PHF7: variants seen among roughly 807,000 people sequenced by gnomAD.
PHF7 encodes the protein E3 ubiquitin-protein ligase PHF7.
Under a neutral mutation model 47.5 loss-of-function variants are expected in PHF7, and 24 were observed. That is an observed-to-expected ratio of 0.51 (90% CI 0.37 to 0.71). The LOEUF is 0.71. Among genes scored for constraint, PHF7 ranks in the 30% least tolerant of loss-of-function variants. PHF7 has a pLI of 0.00. For missense variants in PHF7, 361 were observed against 456.8 expected, an observed-to-expected ratio of 0.79 and a Z score of 1.91; for synonymous variants, 156 against 153.8, an observed-to-expected ratio of 1.01 and a Z score of -0.11.
At position 52,421,702 on chromosome 3, in the gene PHF7, C is replaced by A; in HGVS notation, c.628C>A (p.Arg210=). The A allele has an allele frequency of 1.9e-6, 3 of 1,609,692 alleles. No individual in the cohort carries two copies. Among genetic ancestry groups the A allele is most frequent in the Non-Finnish European group, 2.6e-6 (3 of 1,175,990 alleles). ...HFFKCPQCNN[R]KEFPQEMLRM... ...CTTCAAATGTCCACAGTGTAACAATCGAAAAGAGTTTCCTCAAGAAATGCT... is the reference window on the plus strand; with the variant it reads ...CTTCAAATGTCCACAGTGTAACAATAGAAAAGAGTTTCCTCAAGAAATGCT... The change falls in exon 8 of 11, where the codon CGA becomes AGA. Residue 210 remains arginine, a synonymous_variant. Transcript: ENST00000327906.
rs577809881 is a variant in PHF7, at chr3:52,420,136, A to G, written c.289-175A>G. The stretch of plus-strand genomic sequence containing the variant: ...GGGAGAAACATCTTGAGAAAATAGG[A>G]AAGAACTCAGTGCTGCTTGAAGCTC... On this transcript the variant is annotated intron_variant, in intron 5 of 10. Transcript: ENST00000327906. 2.0e-4 allele frequency: 167 copies of G among 823,548 alleles called. No homozygotes were observed. The South Asian group carries it at 2.2e-3, about 11-fold the overall frequency. The allele number at this position is 823,548 out of a possible 1,614,324, so 51.0% of individuals were successfully genotyped here. A position where few individuals can be genotyped will look rare whatever the true frequency, so the allele number is the denominator to read the frequency against.
chr3:52,419,597 A>AT (rs1475559378), intron 4 of PHF7, among the ~76,000 whole-genome samples: 1 of 151,718 alleles, frequency 6.6e-6, no homozygotes, highest in East Asian at 1.9e-4. Context: ...CACCCGGCTA[A>AT]TTTTTTTGTA....
intron 2 of PHF7, 75 bp downstream of exon 2, chr3:52,412,995 C>A: frequency 8.7e-7 from 1 of 1,149,988 alleles, no homozygotes; most frequent in East Asian, 2.4e-5. Flanking sequence ...TTTTTGCCCC[C>A]TTTGTCGTAG....
At chr3:52,414,868 G>T in intron 4 of PHF7, 1 of 160,366 alleles carries the variant, frequency 6.2e-6, no homozygotes, top group South Asian at 1.6e-4. Context: ...AAAAAGCTGG[G>T]TATAGTGACA....
rs894942865 is a variant in PHF7, at chr3:52,423,594, C to G, written c.*277C>G. On this transcript the variant is annotated 3_prime_UTR_variant, in exon 11 of 11. Transcript: ENST00000327906. ...TTAATCTTGTTTTCATATGCCTCTTCTTACTTCACCCATGTTTGTTGTTAT... is the reference window on the plus strand; with the variant it reads ...TTAATCTTGTTTTCATATGCCTCTTGTTACTTCACCCATGTTTGTTGTTAT... The G allele has an allele frequency of 1.8e-5, 6 of 334,678 alleles. No homozygotes were observed. The highest frequency in any genetic ancestry group is 9.1e-4 in the Middle Eastern group (1 of 1,102). 20.7% of individuals were successfully genotyped at this position (334,678 alleles called of 1,614,324 possible).
intron 4 of PHF7, among the ~76,000 whole-genome samples, chr3:52,416,188 G>GTTT (rs1010028983): frequency 7.3e-6 from 1 of 137,924 alleles, no homozygotes; most frequent in Non-Finnish European, 1.6e-5. Flanking sequence ...TGGTTTTTTG[G>GTTT]TTTTTTTTTT....
At chr3:52,421,848 A>G (rs1559602415) in intron 8 of PHF7, 94 bp downstream of exon 8, 3 of 722,044 alleles carry the variant, frequency 4.2e-6, no homozygotes, top group Non-Finnish European at 5.1e-6. Flanking sequence ...AGAGAATGAG[A>G]GCAGCAGAGG....
rs778794633 is a variant in PHF7, at chr3:52,410,951, C to T, written c.-366C>T. The T allele has an allele frequency of 5.9e-5, 9 of 152,248 alleles. No individual in the cohort carries two copies. The highest frequency in any genetic ancestry group is 9.6e-5 in the African/African-American group (4 of 41,460). The allele number at this position is 152,248 out of a possible 1,614,324, so 9.4% of individuals were successfully genotyped here. A position where few individuals can be genotyped will look rare whatever the true frequency, so the allele number is the denominator to read the frequency against. On this transcript the variant is annotated 5_prime_UTR_variant, in exon 1 of 11. Coordinates refer to ENST00000327906, the MANE Select transcript of PHF7 (RefSeq NM_016483.7). The stretch of plus-strand genomic sequence containing the variant: ...CTCCGGGGAACGGTTGTGACCACAC[C>T]GACACGTATTTTACAGATAAATCAT...
chr3:52,414,060 T>C lies in PHF7; in HGVS notation c.94+12T>C. ...GTCTTCAGGGCCTGGTAAGAAAGAC[T>C]GGAGCTTGTGTTCGCCCACTGCCTC... On this transcript the variant is annotated intron_variant, in intron 3 of 10. Transcript: ENST00000327906. 6.2e-7 allele frequency: 1 copy of C among 1,603,352 alleles called. No homozygotes were observed. The highest frequency in any genetic ancestry group is 8.5e-7 in the Non-Finnish European group (1 of 1,170,150).
chr3:52,421,866 A>G (rs1002311882), intron 8 of PHF7, 112 bp downstream of exon 8: 2 of 660,128 alleles, frequency 3.0e-6, no homozygotes, highest in African/African-American at 1.8e-5. Flanking sequence ...AGGCACTGAT[A>G]AGAAGGAAGG....
In PHF7 at chr3:52,423,308, A is replaced by C; in HGVS notation, c.1137A>C (p.Lys379Asn). Residue 379 changes from lysine to asparagine, a missense_variant, in exon 11 of 11, where the codon AAA becomes AAC. Coordinates refer to ENST00000327906, the MANE Select transcript of PHF7 (RefSeq NM_016483.7). ...KGVRITNSCK[K>N]SK ...TCAGAATCACTAACAGCTGCAAAAA[A>C]TCCAAGTAACACCTTCTGAGTAGCT... The C allele has an allele frequency of 6.2e-7, 1 of 1,608,844 alleles. No individual in the cohort carries two copies. The highest frequency in any genetic ancestry group is 8.5e-7 in the Non-Finnish European group (1 of 1,175,340).
At chr3:52,414,651 T>C (rs1705566382) in intron 4 of PHF7, 64 bp downstream of exon 4, 4 of 884,168 alleles carry the variant, frequency 4.5e-6, no homozygotes, top group African/African-American at 3.4e-5. Flanking sequence ...CTGTTCTCTG[T>C]TACATTCATC....
rs1365318514 is a variant in PHF7 at position 52,420,905 on chromosome 3, C to T, written c.416C>T (p.Ser139Leu). The T allele has an allele frequency of 6.2e-7, 1 of 1,607,242 alleles. No homozygotes were observed. The highest frequency in any genetic ancestry group is 1.1e-5 in the South Asian group (1 of 89,774). The change falls in exon 7 of 11, where the codon TCA (serine) becomes TTA (leucine). Residue 139 changes from serine (S) to leucine (L), a missense_variant and splice_region_variant. Ser to Leu is a moderately radical substitution (Grantham distance 145). Coordinates refer to ENST00000327906, the MANE Select transcript of PHF7 (RefSeq NM_016483.7). ...CLSQFFGEYK[S>L]FCDKHRPTQN... ...CCAAGTCTGTTTACCTGCCACAGAT[C>T]ATTTTGTGACAAACATCGCCCAACA...
Position 52,419,943 on chromosome 3 carries a change from C to T in PHF7, c.288+9C>T. 6.5e-7 allele frequency: 1 copy of T among 1,550,378 alleles called. No homozygotes were observed. Among genetic ancestry groups the T allele is most frequent in the Non-Finnish European group, 8.8e-7 (1 of 1,131,224 alleles). On this transcript the variant is annotated intron_variant, in intron 5 of 10. Coordinates refer to ENST00000327906, the MANE Select transcript of PHF7 (RefSeq NM_016483.7). Reference sequence around the variant, plus strand: ...CCCGGGCTTCTAGGAAGGTTAGAATCTCTTGAAATGAGGACCTTGGGGTAG... The same window carrying T: ...CCCGGGCTTCTAGGAAGGTTAGAATTTCTTGAAATGAGGACCTTGGGGTAG...
chr3:52,422,485 G>A (rs761564170), intron 9 of PHF7, 147 bp downstream of exon 9: 48 of 685,196 alleles, frequency 7.0e-5, no homozygotes, highest in Non-Finnish European at 1.0e-4. Context: ...TGACCAGCCC[G>A]ACTCACTTGT....
intron 7 of PHF7, 88 bp downstream of exon 7, chr3:52,421,150 C>T: frequency 1.6e-6 from 2 of 1,258,300 alleles, no homozygotes; most frequent in South Asian, 1.5e-5. Flanking sequence ...TCAGGTGTGC[C>T]TCAGCTTTGG....
At chr3:52,420,752 A>G (rs1273715518) in intron 6 of PHF7, 151 bp from the exon 7 acceptor site, 2 of 694,690 alleles carry the variant, frequency 2.9e-6, no homozygotes, top group African/African-American at 1.8e-5. Flanking sequence ...GTGAGAAGGC[A>G]TGTGGCAGTT....
intron 1 of PHF7, among the ~76,000 whole-genome samples, chr3:52,411,887 A>G (rs1030928776): frequency 1.3e-5 from 2 of 152,232 alleles, no homozygotes; most frequent in African/African-American, 4.8e-5. Context: ...GGTACAGACC[A>G]TATCTCAGTG....
rs1407613645 is a variant in PHF7, at chr3:52,411,045, GTCC to G, written c.-271_-269del. 6.6e-6 allele frequency: 1 copy of G among 152,240 alleles called. No individual in the cohort carries two copies. Among genetic ancestry groups the G allele is most frequent in the Non-Finnish European group, 1.5e-5 (1 of 68,042 alleles). 9.4% of individuals were successfully genotyped at this position (152,240 alleles called of 1,614,324 possible). A position where few individuals can be genotyped will look rare whatever the true frequency, so the allele number is the denominator to read the frequency against. On this transcript the variant is annotated 5_prime_UTR_variant, in exon 1 of 11. Transcript: ENST00000327906. Reference sequence around the variant, plus strand: ...CTCAACAAGCTTTTACCCAGCACCTGTCCAGTGAAACAACTTGATAATCGTTTC... The same window carrying G: ...CTCAACAAGCTTTTACCCAGCACCTGAGTGAAACAACTTGATAATCGTTTC...
Sources: allele counts gnomAD v4.1 joint callset (sites outside exome capture counted in the v4.1 genomes callset), GRCh38; gene constraint gnomAD v4.1.1; transcripts MANE v1.5; gene names NCBI Gene and HGNC (gene_info 2026-07-23, HGNC 2026-07-21).